The following DSCAM variants were observed in gnomAD, a reference collection of about 807,000 sequenced individuals.
The protein encoded by DSCAM is cell adhesion molecule DSCAM.
In DSCAM, 47 loss-of-function variants were observed where a neutral mutation model predicts 217.7. The ratio of observed to expected loss-of-function variants is 0.22; its 90% confidence interval spans 0.17 to 0.28. The LOEUF is 0.28. Among genes scored for constraint, DSCAM ranks in the 10% least tolerant of loss-of-function variants. The pLI is 1.00. For synonymous variants in DSCAM, 1,056 were observed against 1,015.3 expected, an observed-to-expected ratio of 1.04 and a Z score of -0.76; for missense variants, 2,080 against 2,618.3, an observed-to-expected ratio of 0.79 and a Z score of 4.49.
intron 32 of DSCAM, among the ~76,000 whole-genome samples, chr21:40,038,728 T>G (rs2088680597): frequency 7.0e-6 from 1 of 142,508 alleles, no homozygotes; most frequent in Non-Finnish European, 1.5e-5. Context: ...ATATGTTTAT[T>G]GTGGCATTAT....
At chr21:40,535,671 G>T (rs1436853890) in intron 3 of DSCAM, among the ~76,000 whole-genome samples, 3 of 152,194 alleles carry the variant, frequency 2.0e-5, no homozygotes, top group Admixed American at 6.5e-5. Flanking sequence ...ATGGATAAGA[G>T]CCAATCCTTG....
At chr21:40,367,478 A>G (rs955359098) in intron 4 of DSCAM, among the ~76,000 whole-genome samples, 4 of 152,188 alleles carry the variant, frequency 2.6e-5, no homozygotes, top group African/African-American at 9.7e-5. Flanking sequence ...AGTATATTTA[A>G]ATCTAATTTA....
At chr21:40,307,177 C>G (rs955934418) in intron 9 of DSCAM, among the ~76,000 whole-genome samples, 30 of 151,718 alleles carry the variant, frequency 2.0e-4, no homozygotes, top group African/African-American at 7.0e-4. Context: ...TTTTCGCAAC[C>G]TACTCATCTG....
At chr21:40,088,239 C>T (rs561257629) in intron 21 of DSCAM, among the ~76,000 whole-genome samples, 1 of 152,278 alleles carries the variant, frequency 6.6e-6, no homozygotes, top group African/African-American at 2.4e-5. Flanking sequence ...GACCGGAAAC[C>T]ATAGGTGGAA....
chr21:40,498,781 G>GTGTATA (rs1195806087), intron 3 of DSCAM, among the ~76,000 whole-genome samples: 6 of 26,022 alleles, frequency 2.3e-4, no homozygotes, highest in South Asian at 1.8e-3. Flanking sequence ...ATATGGGTGT[G>GTGTATA]TATATATATA....
intron 30 of DSCAM, among the ~76,000 whole-genome samples, chr21:40,048,397 G>C (rs959144651): frequency 2.0e-5 from 3 of 152,154 alleles, no homozygotes; most frequent in African/African-American, 7.2e-5. Flanking sequence ...TAGAGTCCTA[G>C]TTTTCCAGTG....
chr21:40,063,039 TAG>T (rs1222520410), intron 27 of DSCAM, 140 bp from the exon 28 acceptor site: 1 of 566,292 alleles, frequency 1.8e-6, no homozygotes, highest in East Asian at 3.5e-5. Context: ...ACTAATGACC[TAG>T]AGTTTCATGG....
intron 11 of DSCAM, among the ~76,000 whole-genome samples, chr21:40,245,745 C>T (rs1601479626): frequency 1.3e-5 from 2 of 152,286 alleles, no homozygotes; most frequent in African/African-American, 2.4e-5. Flanking sequence ...CTCTGGTCTG[C>T]CATGGGCTTT....
intron 1 of DSCAM, among the ~76,000 whole-genome samples, chr21:40,722,581 A>T (rs980330668): frequency 1.3e-5 from 2 of 152,158 alleles, no homozygotes; most frequent in Non-Finnish European, 1.5e-5. Flanking sequence ...AAAATACTCC[A>T]TTAATCCAAA....
chr21:40,040,130 T>C (rs1388174060), intron 32 of DSCAM, among the ~76,000 whole-genome samples: 2 of 152,228 alleles, frequency 1.3e-5, no homozygotes, highest in Non-Finnish European at 2.9e-5. Flanking sequence ...TTCTAAAGCA[T>C]ATCAGATGTT....
intron 3 of DSCAM, among the ~76,000 whole-genome samples, chr21:40,640,111 T>A (rs2089859222): frequency 6.7e-6 from 1 of 149,190 alleles, no homozygotes; most frequent in Non-Finnish European, 1.5e-5. Flanking sequence ...AGTGTGCATC[T>A]GGAGAAAACC....
chr21:40,393,360 A>C (rs1320245660), intron 3 of DSCAM, among the ~76,000 whole-genome samples: 1 of 152,210 alleles, frequency 6.6e-6, no homozygotes, highest in Non-Finnish European at 1.5e-5. Flanking sequence ...ATTAAGATTT[A>C]AACATGAAAA....
At chr21:40,507,041 G>A (rs966798156) in intron 3 of DSCAM, among the ~76,000 whole-genome samples, 6 of 152,192 alleles carry the variant, frequency 3.9e-5, no homozygotes, top group Non-Finnish European at 7.3e-5. Context: ...CACTGTGGGA[G>A]GCCGAGGCAG....
rs1473283926 is a variant in DSCAM at position 40,554,981 on chromosome 21, G to A, written c.508+137829C>T. Among the ~76,000 whole-genome samples, 4 of 152,168 alleles carry A rather than the reference G, an allele frequency of 2.6e-5. No individual in the cohort carries two copies. The East Asian group carries it at 7.7e-4, about 29-fold the overall frequency. ...TAGGTAGCACCAAGCCCAGTACCTA[G>A]TGCACAGAAGGCATTCAGTAAATGG... On this transcript the variant is annotated intron_variant, in intron 3 of 32. Transcript: ENST00000400454.
intron 6 of DSCAM, among the ~76,000 whole-genome samples, chr21:40,342,646 ATATTTTTT>A (rs1432804452): frequency 9.6e-5 from 8 of 83,612 alleles, no homozygotes; most frequent in African/African-American, 4.0e-4. Context: ...ATATATATAT[ATATTTTTT>A]TTTTTTTTTT....
chr21:40,394,258 T>C (rs1829787538), intron 3 of DSCAM, among the ~76,000 whole-genome samples: 1 of 152,358 alleles, frequency 6.6e-6, no homozygotes, highest in Admixed American at 6.5e-5. Context: ...GCATTTTTCA[T>C]ATTACTTCAT....
chr21:40,671,692 C>CAA (rs71330402), intron 3 of DSCAM, among the ~76,000 whole-genome samples: 14,771 of 108,894 alleles, frequency 0.14, 1,371 homozygotes, highest in African/African-American at 0.24. Flanking sequence ...ATTCCTTAAA[C>CAA]AAAAAAAAAA....
intron 3 of DSCAM, among the ~76,000 whole-genome samples, chr21:40,621,099 G>C (rs921856810): frequency 3.3e-5 from 5 of 152,178 alleles, no homozygotes; most frequent in Non-Finnish European, 7.3e-5. Context: ...TGACAAAAAA[G>C]GGGCACCAGG....
chr21:40,487,256 CCTCT>C lies in DSCAM; in HGVS notation c.509-118015_509-118012del, dbSNP rs59987844. ...AACTCTCTCTCTCTCTCTTTCTCTCCCTCTCTCTCTCTCTCTCTGTGTGTGTGCA... is the reference window on the plus strand; with the variant it reads ...AACTCTCTCTCTCTCTCTTTCTCTCCCTCTCTCTCTCTCTGTGTGTGTGCA... On this transcript the variant is annotated intron_variant, in intron 3 of 32. Transcript: ENST00000400454. Among the ~76,000 whole-genome samples the C allele has an allele frequency of 1.8e-3, 265 of 143,706 alleles. 1 individual carries two copies. Among genetic ancestry groups the C allele is most frequent in the South Asian group, 4.0e-3 (18 of 4,446 alleles). The allele number at this position is 143,706 out of a possible 152,430, so 94.3% of individuals were successfully genotyped here.
Sources: allele counts gnomAD v4.1 joint callset (sites outside exome capture counted in the v4.1 genomes callset), GRCh38; gene constraint gnomAD v4.1.1; transcripts MANE v1.5; gene names NCBI Gene and HGNC (gene_info 2026-07-23, HGNC 2026-07-21).